APOL6: variants seen among roughly 807,000 people sequenced by gnomAD.
APOL6 encodes the protein apolipoprotein L, 6.
Under a neutral mutation model 2.4 loss-of-function variants are expected in APOL6, and 1 was observed. The observed-to-expected ratio is 0.41, with a 90% CI of 0.15 to 1.94. The LOEUF is 1.94. Ranked by LOEUF, APOL6 falls within the 30% of genes most tolerant of loss-of-function variation. APOL6 has a pLI of 0.30. For synonymous variants in APOL6, 189 were observed against 169.3 expected, an observed-to-expected ratio of 1.12 and a Z score of -0.90; for missense variants, 438 against 429.2, an observed-to-expected ratio of 1.02 and a Z score of -0.18.
At chr22:35,654,662 T>G (rs1351793972) in intron 1 of APOL6, among the ~76,000 whole-genome samples, 1 of 152,082 alleles carries the variant, frequency 6.6e-6, no homozygotes, top group Non-Finnish European at 1.5e-5. Flanking sequence ...ATTATGTTCT[T>G]GGGAATACAA....
chr22:35,651,260 G>A (rs1924684200), intron 1 of APOL6, among the ~76,000 whole-genome samples: 1 of 152,126 alleles, frequency 6.6e-6, no homozygotes, highest in South Asian at 2.1e-4. Context: ...TGCCAGTAGG[G>A]CGCACTTCTG....
intron 1 of APOL6, among the ~76,000 whole-genome samples, chr22:35,650,640 G>T (rs973536798): frequency 6.6e-6 from 1 of 152,122 alleles, no homozygotes; most frequent in Non-Finnish European, 1.5e-5. Context: ...ATAAAAATTT[G>T]TGTCCTGGGC....
chr22:35,650,513 C>G (rs570655024), intron 1 of APOL6, among the ~76,000 whole-genome samples: 4 of 152,314 alleles, frequency 2.6e-5, no homozygotes, highest in African/African-American at 9.6e-5. Flanking sequence ...GAACAGCATG[C>G]ATTTCCATAT....
In APOL6 at chr22:35,667,000, T is replaced by G. The variant is rs1925202926; in HGVS notation, c.*7404T>G. The stretch of plus-strand genomic sequence containing the variant: ...TAAGTGCAATAAGAATCTGTTCTAA[T>G]TTGTAACAGGACACGATTGGAGAAA... On this transcript the variant is annotated 3_prime_UTR_variant, in exon 3 of 3. Coordinates refer to ENST00000409652, the MANE Select transcript of APOL6 (RefSeq NM_030641.4). 1 of 152,240 alleles carries G rather than the reference T, an allele frequency of 6.6e-6. No individual in the cohort carries two copies. Among genetic ancestry groups the G allele is most frequent in the Non-Finnish European group, 1.5e-5 (1 of 68,046 alleles). 9.4% of individuals were successfully genotyped at this position (152,240 alleles called of 1,614,324 possible). A position where few individuals can be genotyped will look rare whatever the true frequency, so the allele number is the denominator to read the frequency against.
intron 1 of APOL6, among the ~76,000 whole-genome samples, chr22:35,653,672 C>T (rs1569133741): frequency 6.6e-6 from 1 of 152,218 alleles, no homozygotes; most frequent in Non-Finnish European, 1.5e-5. Flanking sequence ...AACTCTACTA[C>T]TACCCTCAAT....
chr22:35,649,586 T>G (rs867790353), intron 1 of APOL6, among the ~76,000 whole-genome samples: 12 of 151,982 alleles, frequency 7.9e-5, no homozygotes, highest in Middle Eastern at 3.4e-3. Context: ...CCTGTAAGCT[T>G]TCAAATGAAA....
At position 35,654,521 on chromosome 22, in the gene APOL6, A is replaced by ACTCT. The variant is rs35425813; in HGVS notation, c.-47-1841_-47-1838dup. On this transcript the variant is annotated intron_variant, in intron 1 of 2. Transcript: ENST00000409652. Reference sequence around the variant, plus strand: ...CCCTGTGCCAGAAATGGGGATAAGAACTCTCTCTCTCTCTCTCTCTATATA... The same window carrying ACTCT: ...CCCTGTGCCAGAAATGGGGATAAGAACTCTCTCTCTCTCTCTCTCTCTCTATATA... 1.6e-4 allele frequency among the ~76,000 whole-genome samples: 23 copies of ACTCT among 147,684 alleles called. 1 individual carries two copies. The highest frequency in any genetic ancestry group is 2.0e-4 in the Admixed American group (3 of 14,796).
intron 2 of APOL6, among the ~76,000 whole-genome samples, chr22:35,658,075 G>A (rs902914748): frequency 3.3e-5 from 5 of 152,066 alleles, no homozygotes; most frequent in Middle Eastern, 3.2e-3. Context: ...TAGAAGCAAA[G>A]ACACACCCCA....
intron 1 of APOL6, among the ~76,000 whole-genome samples, chr22:35,654,189 T>C (rs538048423): frequency 3.3e-5 from 5 of 152,210 alleles, no homozygotes; most frequent in Admixed American, 2.0e-4. Flanking sequence ...CCCTGTCCTT[T>C]TGGGTTTCTA....
rs1484265182 is a variant in APOL6 at position 35,660,202 on chromosome 22, G to A, written c.*606G>A. 1 of 154,270 alleles carries A rather than the reference G, an allele frequency of 6.5e-6. No homozygotes were observed. Among genetic ancestry groups the A allele is most frequent in the Admixed American group, 6.3e-5 (1 of 15,750 alleles). The allele number at this position is 154,270 out of a possible 1,614,324, so 9.6% of individuals were successfully genotyped here. A position where few individuals can be genotyped will look rare whatever the true frequency, so the allele number is the denominator to read the frequency against. On this transcript the variant is annotated 3_prime_UTR_variant, in exon 3 of 3. Transcript: ENST00000409652. ...TATTTAGAGATGGACCCTTTGGGAG[G>A]TAATTAGGGTTGACTGAGGCCATAG...
At chr22:35,656,205 T>A (rs1924840027) in intron 1 of APOL6, among the ~76,000 whole-genome samples, 174 bp from the exon 2 acceptor site, 1 of 152,260 alleles carries the variant, frequency 6.6e-6, no homozygotes, top group Non-Finnish European at 1.5e-5. Context: ...CTGTATGCAT[T>A]TATTGTATGT....
In APOL6 at chr22:35,667,126, A is replaced by G. The variant is rs377262893; in HGVS notation, c.*7530A>G. 23 of 152,310 alleles carry G rather than the reference A, an allele frequency of 1.5e-4. No individual in the cohort carries two copies. The East Asian group carries it at 3.9e-3, about 26-fold the overall frequency. The allele number at this position is 152,310 out of a possible 1,614,324, so 9.4% of individuals were successfully genotyped here. ...TAAAGTCCTTGGAAAAACTGGCCCCATATTTTGTGTACACAGTCTCCGTAC... is the reference window on the plus strand; with the variant it reads ...TAAAGTCCTTGGAAAAACTGGCCCCGTATTTTGTGTACACAGTCTCCGTAC... On this transcript the variant is annotated 3_prime_UTR_variant, in exon 3 of 3. Coordinates refer to ENST00000409652, the MANE Select transcript of APOL6 (RefSeq NM_030641.4).
At chr22:35,656,893 C>A (rs978496043) in intron 2 of APOL6, among the ~76,000 whole-genome samples, 1 of 152,202 alleles carries the variant, frequency 6.6e-6, no homozygotes, top group Non-Finnish European at 1.5e-5. Context: ...GCACCACCGG[C>A]CCCCTGCACA....
Position 35,662,809 on chromosome 22 carries a change from G to C in APOL6, c.*3213G>C, listed in dbSNP as rs1925065369. On this transcript the variant is annotated 3_prime_UTR_variant, in exon 3 of 3. Transcript: ENST00000409652. Reference sequence around the variant, plus strand: ...ACCCTTGACAAATCTATCGGTGCTTGGTACCAGCATGAGCTAACTTTATGG... The same window carrying C: ...ACCCTTGACAAATCTATCGGTGCTTCGTACCAGCATGAGCTAACTTTATGG... 1 of 152,172 alleles carries C rather than the reference G, an allele frequency of 6.6e-6. No homozygotes were observed. The highest frequency in any genetic ancestry group is 2.4e-5 in the African/African-American group (1 of 41,444). The allele number at this position is 152,172 out of a possible 1,614,324, so 9.4% of individuals were successfully genotyped here. A position where few individuals can be genotyped will look rare whatever the true frequency, so the allele number is the denominator to read the frequency against.
chr22:35,666,849 C>A lies in APOL6; in HGVS notation c.*7253C>A, dbSNP rs1925198564. On this transcript the variant is annotated 3_prime_UTR_variant, in exon 3 of 3. Transcript: ENST00000409652. ...AACTTTTCTTTTGAGCTATTGACAG[C>A]TTTTAACAATTTAGTATACTCCTAT... 1 of 152,166 alleles carries A rather than the reference C, an allele frequency of 6.6e-6. No individual in the cohort carries two copies. The highest frequency in any genetic ancestry group is 2.1e-4 in the South Asian group (1 of 4,832). The allele number at this position is 152,166 out of a possible 1,614,324, so 9.4% of individuals were successfully genotyped here.
intron 1 of APOL6, among the ~76,000 whole-genome samples, 167 bp from the exon 2 acceptor site, chr22:35,656,212 A>G (rs1404669912): frequency 6.6e-6 from 1 of 152,246 alleles, no homozygotes; most frequent in Non-Finnish European, 1.5e-5. Flanking sequence ...CATTTATTGT[A>G]TGTAAGCTAC....
At position 35,659,832 on chromosome 22, in the gene APOL6, C is replaced by A; in HGVS notation, c.*236C>A. 1 of 592,826 alleles carries A rather than the reference C, an allele frequency of 1.7e-6. No homozygotes were observed. Among genetic ancestry groups the A allele is most frequent in the Non-Finnish European group, 2.8e-6 (1 of 360,082 alleles). The allele number at this position is 592,826 out of a possible 1,614,324, so 36.7% of individuals were successfully genotyped here. ...CCAGGCTGGAGTGCAGTGGCGTAAT[C>A]TCGGCTCACTGCAACCTCTGCCTCC... On this transcript the variant is annotated 3_prime_UTR_variant, in exon 3 of 3. Coordinates refer to ENST00000409652, the MANE Select transcript of APOL6 (RefSeq NM_030641.4).
At position 35,666,060 on chromosome 22, in the gene APOL6, G is replaced by A. The variant is rs979807825; in HGVS notation, c.*6464G>A. 9 of 152,084 alleles carry A rather than the reference G, an allele frequency of 5.9e-5. No individual in the cohort carries two copies. The highest frequency in any genetic ancestry group is 2.2e-4 in the African/African-American group (9 of 41,430). 9.4% of individuals were successfully genotyped at this position (152,084 alleles called of 1,614,324 possible). ...CTTTGGGCTGTATTTGTATAAATAT[G>A]TTATTGGTGTATGTTCCAAAATTAT... On this transcript the variant is annotated 3_prime_UTR_variant, in exon 3 of 3. Coordinates refer to ENST00000409652, the MANE Select transcript of APOL6 (RefSeq NM_030641.4).
rs868764071 is a variant in APOL6, at chr22:35,659,064, C to T, written c.500C>T (p.Ala167Val). The T allele has an allele frequency of 6.2e-7, 1 of 1,613,982 alleles. No homozygotes were observed. The highest frequency in any genetic ancestry group is 1.3e-5 in the African/African-American group (1 of 75,048). ...GAGAAGGCAGACTATGTCACAGCTG[C>T]TGGAAAGATTATCTATAATCTTAGA... is the stretch of plus-strand genomic sequence containing the variant. ...EEEKADYVTA[A>V]GKIIYNLRNT... Residue 167 changes from alanine to valine, a missense_variant, in exon 3 of 3, where the codon GCT (alanine) becomes GTT (valine). Coordinates refer to ENST00000409652, the MANE Select transcript of APOL6 (RefSeq NM_030641.4).
Sources: allele counts gnomAD v4.1 joint callset (sites outside exome capture counted in the v4.1 genomes callset), GRCh38; gene constraint gnomAD v4.1.1; transcripts MANE v1.5; gene names NCBI Gene and HGNC (gene_info 2026-07-23, HGNC 2026-07-21).